ST3GAL5: variants seen among roughly 807,000 people sequenced by gnomAD.
ST3GAL5 encodes the protein ST3 beta-galactoside alpha-2,3-sialyltransferase 5.
Under a neutral mutation model 46.1 loss-of-function variants are expected in ST3GAL5, and 25 were observed. That is an observed-to-expected ratio of 0.54 (90% CI 0.40 to 0.76). The LOEUF (loss-of-function observed/expected upper bound fraction) is 0.76. Among genes scored for constraint, ST3GAL5 ranks in the 30% least tolerant of loss-of-function variants. ST3GAL5 has a pLI of 0.00. For missense variants in ST3GAL5, 431 were observed against 521.2 expected (o/e 0.83, Z 1.69); for synonymous variants, 182 against 192.7 (o/e 0.94, Z 0.46).
chr2:85,867,953 A>C, intron 1 of ST3GAL5: 1 of 350,742 alleles, frequency 2.9e-6, no homozygotes, highest in Admixed American at 3.7e-5. Flanking sequence ...CTTCCCAAGA[A>C]GTTTCATCAA....
intron 6 of ST3GAL5, among the ~76,000 whole-genome samples, chr2:85,843,474 G>C (rs948746077): frequency 2.0e-5 from 3 of 152,138 alleles, no homozygotes; most frequent in Non-Finnish European, 4.4e-5. Context: ...GCTTTTATTT[G>C]ATTATTGGTA....
At chr2:85,885,993 A>G (rs1012004965) in intron 1 of ST3GAL5, among the ~76,000 whole-genome samples, 1 of 152,222 alleles carries the variant, frequency 6.6e-6, no homozygotes, top group African/African-American at 2.4e-5. Context: ...AAATGCTGCA[A>G]ACTGCCCAAA....
chr2:85,882,482 T>C (rs1221580256), intron 1 of ST3GAL5, among the ~76,000 whole-genome samples: 1 of 152,116 alleles, frequency 6.6e-6, no homozygotes, highest in Non-Finnish European at 1.5e-5. Flanking sequence ...GAAACTTACC[T>C]CTTGTATCAG....
chr2:85,861,329 T>A, intron 2 of ST3GAL5, 37 bp from the exon 3 acceptor site: 1 of 1,337,534 alleles, frequency 7.5e-7, no homozygotes. Context: ...GATGTAGTCA[T>A]GTGAGAATCA....
chr2:85,888,574 C>T (rs1688034437), intron 1 of ST3GAL5: 3 of 265,084 alleles, frequency 1.1e-5, no homozygotes, highest in Non-Finnish European at 2.1e-5. Flanking sequence ...ACCCGACACC[C>T]GGCGGTCCGC....
intron 1 of ST3GAL5, chr2:85,870,072 C>T: frequency 5.1e-6 from 2 of 394,862 alleles, no homozygotes; most frequent in Non-Finnish European, 1.1e-5. Flanking sequence ...CCCTACTTAC[C>T]AAAATTGCTT....
intron 3 of ST3GAL5, 73 bp downstream of exon 3, chr2:85,861,108 G>A: frequency 9.7e-7 from 1 of 1,032,698 alleles, no homozygotes. Context: ...TCACACAGTA[G>A]ACTAATGATA....
intron 1 of ST3GAL5, among the ~76,000 whole-genome samples, chr2:85,872,805 C>T (rs1686096078): frequency 6.6e-6 from 1 of 152,176 alleles, no homozygotes; most frequent in Non-Finnish European, 1.5e-5. Context: ...AGAAAACAGC[C>T]ATTCAAGTCA....
At chr2:85,847,388 C>T (rs1212597065) in intron 4 of ST3GAL5, 4 of 998,374 alleles carry the variant, frequency 4.0e-6, no homozygotes, top group East Asian at 1.0e-4. Context: ...TTACTGTAGC[C>T]AGCAGCATGC....
Position 85,840,325 on chromosome 2 carries a change from G to A in ST3GAL5, c.1076C>T (p.Ala359Val), listed in dbSNP as rs201425015. 5.7e-5 allele frequency: 92 copies of A among 1,613,734 alleles called. No homozygotes were observed. Among genetic ancestry groups the A allele is most frequent in the Non-Finnish European group, 7.0e-5 (82 of 1,179,792 alleles). The change falls in exon 7 of 7, where the codon GCG becomes GTG. Residue 359 changes from alanine to valine, a missense_variant. Transcript: ENST00000638572. ...TTGATTGAGGTCATATCCAAAACCC[G>A]CCAAACTGACTTCATCGCACAGATG... ...ATHLCDEVSL[A>V]GFGYDLNQPR...
At chr2:85,846,204 CA>C (rs923092953) in intron 5 of ST3GAL5, 172 bp downstream of exon 5, 82 of 657,848 alleles carry the variant, frequency 1.2e-4, no homozygotes, top group Middle Eastern at 4.3e-4. Context: ...ACTCCATCCC[CA>C]AAAAAAAGAA....
chr2:85,845,640 C>T (rs1682696797), intron 5 of ST3GAL5: 1 of 152,826 alleles, frequency 6.5e-6, no homozygotes, highest in Admixed American at 6.5e-5. Context: ...CTCTTTATAA[C>T]CATCTCACTC....
chr2:85,844,565 CA>C lies in ST3GAL5; in HGVS notation c.850-12del, dbSNP rs751917635. 203 of 1,613,872 alleles carry C rather than the reference CA, an allele frequency of 1.3e-4. No individual in the cohort carries two copies. Among genetic ancestry groups the C allele is most frequent in the Non-Finnish European group, 1.7e-4 (196 of 1,179,996 alleles). ...TCGTACCCAGAATGGCTAAGGAAAG[CA>C]AGCAAGCAGTTGTTAGTCATCCTTC... On this transcript the variant is annotated splice_polypyrimidine_tract_variant and intron_variant, in intron 5 of 6. Coordinates refer to ENST00000638572, the MANE Select transcript of ST3GAL5 (RefSeq NM_003896.4).
chr2:85,844,840 A>G, intron 5 of ST3GAL5: 2 of 472,842 alleles, frequency 4.2e-6, no homozygotes, highest in Non-Finnish European at 7.8e-6. Context: ...TGCTAACACC[A>G]TCATTTTGTC....
At chr2:85,872,613 A>G in intron 1 of ST3GAL5, among the ~76,000 whole-genome samples, 1 of 150,646 alleles carries the variant, frequency 6.6e-6, no homozygotes, top group East Asian at 1.9e-4. Context: ...TCCAGGAGGT[A>G]CTTGGGAACG....
rs764924498 is a variant in ST3GAL5 at position 85,840,475 on chromosome 2, A to G, written c.1009-83T>C. 96 of 1,484,672 alleles carry G rather than the reference A, an allele frequency of 6.5e-5. No homozygotes were observed. In the Middle Eastern group the frequency reaches 4.3e-3, roughly 66 times the overall value. The allele number at this position is 1,484,672 out of a possible 1,614,324, so 92.0% of individuals were successfully genotyped here. A position where few individuals can be genotyped will look rare whatever the true frequency, so the allele number is the denominator to read the frequency against. On this transcript the variant is annotated intron_variant, in intron 6 of 6. Transcript: ENST00000638572. ...TTTGCTGGTATTACACATGCTACGC[A>G]GAGTCATGAAAGCTACATTGGGGGC...
chr2:85,867,653 C>T (rs772873286), intron 1 of ST3GAL5: 1 of 780,910 alleles, frequency 1.3e-6, no homozygotes, highest in South Asian at 1.3e-5. Flanking sequence ...AATGGTTGCC[C>T]ATGCTATTAC....
chr2:85,867,536 AC>A (rs1459983652), intron 1 of ST3GAL5: 1 of 778,694 alleles, frequency 1.3e-6, no homozygotes, highest in South Asian at 1.3e-5. Context: ...ATGCAAACCC[AC>A]CCCCAAAGGC....
intron 1 of ST3GAL5, chr2:85,867,629 C>T (rs186958596): frequency 2.0e-5 from 16 of 780,886 alleles, no homozygotes; most frequent in African/African-American, 3.4e-5. Context: ...TCCTGGGTGG[C>T]GGCGAGACAG....
Sources: allele counts gnomAD v4.1 joint callset (sites outside exome capture counted in the v4.1 genomes callset), GRCh38; gene constraint gnomAD v4.1.1; transcripts MANE v1.5; gene names NCBI Gene and HGNC (gene_info 2026-07-23, HGNC 2026-07-21).